The following CLASP1 variants were observed in gnomAD, a reference collection of about 807,000 sequenced individuals.
The protein encoded by CLASP1 is CLIP-associating protein 1.
CLASP1 carries 38 observed loss-of-function variants against 192.3 expected under a neutral mutation model. The observed-to-expected ratio is 0.20, with a 90% CI of 0.15 to 0.26. CLASP1 has a LOEUF of 0.26. Ranked by LOEUF, CLASP1 falls within the 10% of genes least tolerant of loss-of-function variation. The pLI is 1.00. For missense variants in CLASP1, 1,433 were observed against 1,932.5 expected (o/e 0.74, Z 4.85); for synonymous variants, 691 against 712.8 (o/e 0.97, Z 0.49).
At chr2:121,502,873 T>C (rs2093804608) in intron 8 of CLASP1, among the ~76,000 whole-genome samples, 1 of 152,222 alleles carries the variant, frequency 6.6e-6, no homozygotes, top group African/African-American at 2.4e-5. Flanking sequence ...TAAAATACCA[T>C]GACAGCTTGT....
intron 30 of CLASP1, among the ~76,000 whole-genome samples, chr2:121,393,968 C>T (rs748302478): frequency 2.6e-4 from 39 of 151,778 alleles, no homozygotes; most frequent in Non-Finnish European, 5.9e-5. Context: ...GGTAAAAAAG[C>T]GCCCTTCTAA....
intron 6 of CLASP1, among the ~76,000 whole-genome samples, chr2:121,521,080 C>G (rs901110788): frequency 1.3e-5 from 2 of 152,124 alleles, no homozygotes; most frequent in African/African-American, 2.4e-5. Flanking sequence ...TAGGAGAGAA[C>G]TGCTGATTCT....
At chr2:121,436,672 A>G (rs1241642103) in intron 19 of CLASP1, among the ~76,000 whole-genome samples, 1 of 152,050 alleles carries the variant, frequency 6.6e-6, no homozygotes, top group African/African-American at 2.4e-5. Flanking sequence ...CAGCCTCCCA[A>G]AGTGCTGGGA....
chr2:121,571,171 T>G (rs766601156), intron 2 of CLASP1, among the ~76,000 whole-genome samples: 11 of 151,884 alleles, frequency 7.2e-5, no homozygotes, highest in Non-Finnish European at 5.9e-5. Flanking sequence ...AATTTATTTA[T>G]TTAGTTTTTG....
intron 2 of CLASP1, among the ~76,000 whole-genome samples, chr2:121,569,852 T>C (rs2059830583): frequency 1.3e-5 from 2 of 151,936 alleles, no homozygotes; most frequent in African/African-American, 4.8e-5. Context: ...AAAAAAAAGA[T>C]TACTTGGAAT....
Position 121,528,765 on chromosome 2 carries a change from A to G in CLASP1, c.290T>C (p.Ile97Thr), listed in dbSNP as rs770580921. The change falls in exon 4 of 40, where the codon ATA (isoleucine) becomes ACA (threonine). Residue 97 changes from isoleucine (I) to threonine (T), a missense_variant. Physicochemically the swap from Ile to Thr is moderately conservative, Grantham distance 89. Coordinates refer to ENST00000263710, the Ensembl canonical transcript of CLASP1. ...GTCTTTAGCATCTCCTAGTCTGTCT[A>G]TTAGACTTGGCAGCACTGAAAATCA... 8 of 1,613,188 alleles carry G rather than the reference A, an allele frequency of 5.0e-6. No homozygotes were observed. The East Asian group carries it at 6.7e-5, about 13-fold the overall frequency.
intron 19 of CLASP1, among the ~76,000 whole-genome samples, chr2:121,430,797 G>A (rs1439500447): frequency 6.6e-6 from 1 of 152,042 alleles, no homozygotes; most frequent in Non-Finnish European, 1.5e-5. Context: ...GAGAGATACA[G>A]CTAAAAAGAA....
chr2:121,638,141 A>C (rs892412049), intron 1 of CLASP1, among the ~76,000 whole-genome samples: 3 of 152,258 alleles, frequency 2.0e-5, no homozygotes, highest in South Asian at 2.1e-4. Context: ...CAATTTAAAA[A>C]TAAGAAACAG....
At chr2:121,486,692 T>C (rs2093000026) in intron 8 of CLASP1, among the ~76,000 whole-genome samples, 1 of 152,150 alleles carries the variant, frequency 6.6e-6, no homozygotes, top group African/African-American at 2.4e-5. Context: ...TTGGAAAAGG[T>C]TTCCTACCAG....
At chr2:121,613,999 C>T (rs901832335) in intron 1 of CLASP1, among the ~76,000 whole-genome samples, 2 of 152,156 alleles carry the variant, frequency 1.3e-5, no homozygotes, top group Non-Finnish European at 2.9e-5. Context: ...GACTCTGGTG[C>T]TGGCTGTTGG....
intron 2 of CLASP1, among the ~76,000 whole-genome samples, chr2:121,584,139 C>T (rs1050221953): frequency 6.6e-6 from 1 of 152,092 alleles, no homozygotes; most frequent in Non-Finnish European, 1.5e-5. Flanking sequence ...AGATGGGCAT[C>T]TTGCTTTCTT....
At chr2:121,571,182 G>T (rs1553636000) in intron 2 of CLASP1, among the ~76,000 whole-genome samples, 1 of 151,714 alleles carries the variant, frequency 6.6e-6, no homozygotes, top group Non-Finnish European at 1.5e-5. Context: ...TTAGTTTTTG[G>T]TTTTTTTCTT....
At chr2:121,373,895 G>A (rs1318155345) in intron 34 of CLASP1, among the ~76,000 whole-genome samples, 2 of 152,228 alleles carry the variant, frequency 1.3e-5, no homozygotes, top group African/African-American at 4.8e-5. Flanking sequence ...GAAGCAGAGT[G>A]TAAAAGTTTG....
intron 2 of CLASP1, among the ~76,000 whole-genome samples, chr2:121,533,204 G>C (rs986070346): frequency 6.6e-6 from 1 of 152,158 alleles, no homozygotes; most frequent in African/African-American, 2.4e-5. Flanking sequence ...GACTGAGTGG[G>C]TAGATGCACC....
At chr2:121,387,990 A>ACTTATAAAATATTTTT in intron 30 of CLASP1, 84 bp from the exon 32 acceptor site, 1 of 1,099,710 alleles carries the variant, frequency 9.1e-7, no homozygotes, top group Non-Finnish European at 1.3e-6. Context: ...AAAATATTTT[A>ACTTATAAAATATTTTT]TAAGTAAAAT....
At chr2:121,522,613 T>C (rs1163397952) in intron 6 of CLASP1, among the ~76,000 whole-genome samples, 1 of 152,256 alleles carries the variant, frequency 6.6e-6, no homozygotes, top group East Asian at 1.9e-4. Context: ...CAGTAAGATG[T>C]AATCCATTTA....
chr2:121,504,140 G>C (rs1314995918), intron 7 of CLASP1, among the ~76,000 whole-genome samples: 1 of 151,830 alleles, frequency 6.6e-6, no homozygotes, highest in African/African-American at 2.4e-5. Flanking sequence ...GCTGAGGCAG[G>C]AGAATTGCTT....
In CLASP1 at chr2:121,377,033, G is replaced by A. The variant is rs1372706492; in HGVS notation, c.3642+466C>T. On this transcript the variant is annotated intron_variant, in intron 34 of 39. Transcript: ENST00000263710. ...AATAGAGATAAAGTACACAATAAAC[G>A]TAATGTGCTTGAATCATCCCCAAAC... 5.3e-5 allele frequency among the ~76,000 whole-genome samples: 8 copies of A among 152,266 alleles called. 1 individual carries two copies. Among genetic ancestry groups the A allele is most frequent in the African/African-American group, 1.4e-4 (6 of 41,552 alleles).
intron 6 of CLASP1, among the ~76,000 whole-genome samples, chr2:121,523,925 G>A (rs1273017143): frequency 1.3e-5 from 2 of 152,230 alleles, no homozygotes; most frequent in African/African-American, 2.4e-5. Flanking sequence ...GGGGGTGAGT[G>A]AGGGGACCCT....
Sources: allele counts gnomAD v4.1 joint callset (sites outside exome capture counted in the v4.1 genomes callset), GRCh38; gene constraint gnomAD v4.1.1; transcripts MANE v1.5; gene names NCBI Gene and HGNC (gene_info 2026-07-23, HGNC 2026-07-21).